The following ZFHX3 variants were observed in gnomAD, a reference collection of about 807,000 sequenced individuals.
ZFHX3 encodes zinc finger homeobox protein 3.
ZFHX3 carries 42 observed loss-of-function variants against 279.1 expected under a neutral mutation model. The observed-to-expected ratio is 0.15, with a 90% CI of 0.12 to 0.19. The LOEUF is 0.19. Ranked by LOEUF, ZFHX3 falls within the 10% of genes least tolerant of loss-of-function variation. ZFHX3 has a pLI of 1.00. For synonymous variants in ZFHX3, 2,293 were observed against 1,957.8 expected, an observed-to-expected ratio of 1.17 and a Z score of -4.52; for missense variants, 4,981 against 4,754.0, an observed-to-expected ratio of 1.05 and a Z score of -1.40.
At chr16:73,200,951 T>C (rs1355825775) in intron 5 of ZFHX3, among the ~76,000 whole-genome samples, 1 of 152,216 alleles carries the variant, frequency 6.6e-6, no homozygotes, top group Non-Finnish European at 1.5e-5. Flanking sequence ...GTAATGAACA[T>C]GGTGCTTGCT....
chr16:72,886,645 T>G (rs142856551), intron 4 of ZFHX3, among the ~76,000 whole-genome samples: 1 of 152,290 alleles, frequency 6.6e-6, no homozygotes, highest in East Asian at 1.9e-4. Flanking sequence ...CAATGATGTA[T>G]GCAGAGCTGG....
At chr16:73,888,849 TA>T (rs1282469969) in intron 1 of ZFHX3, among the ~76,000 whole-genome samples, 6 of 150,472 alleles carry the variant, frequency 4.0e-5, no homozygotes, top group South Asian at 2.1e-4. Context: ...GATTTCAGGC[TA>T]AAAAAAAACC....
intron 3 of ZFHX3, among the ~76,000 whole-genome samples, chr16:73,322,326 C>T (rs553272922): frequency 4.0e-5 from 6 of 151,518 alleles, no homozygotes; most frequent in South Asian, 2.1e-4. Context: ...CGTTTAATGG[C>T]GAGGCAGCTA....
At chr16:73,757,493 C>T (rs2053822103) in intron 1 of ZFHX3, among the ~76,000 whole-genome samples, 1 of 152,182 alleles carries the variant, frequency 6.6e-6, no homozygotes, top group Non-Finnish European at 1.5e-5. Flanking sequence ...ATTTCCCCTT[C>T]TCTCTCCCCA....
intron 7 of ZFHX3, among the ~76,000 whole-genome samples, chr16:73,107,277 T>C (rs1966316943): frequency 6.6e-6 from 1 of 151,920 alleles, no homozygotes; most frequent in South Asian, 2.1e-4. Context: ...GCCACTGCAC[T>C]CCAGACTGGA....
intron 5 of ZFHX3, among the ~76,000 whole-genome samples, chr16:73,181,204 G>A (rs1311081293): frequency 2.6e-5 from 4 of 151,930 alleles, no homozygotes; most frequent in Admixed American, 6.6e-5. Flanking sequence ...TGCTTCAAGC[G>A]ATTCTCCTGC....
At chr16:73,101,045 G>C (rs961887373) in intron 7 of ZFHX3, among the ~76,000 whole-genome samples, 2 of 152,094 alleles carry the variant, frequency 1.3e-5, no homozygotes, top group African/African-American at 4.8e-5. Flanking sequence ...CTCAACCCCT[G>C]TTCATTCTCA....
At chr16:72,998,234 C>G (rs1244562222) in intron 1 of ZFHX3, among the ~76,000 whole-genome samples, 2 of 152,108 alleles carry the variant, frequency 1.3e-5, no homozygotes, top group East Asian at 1.9e-4. Flanking sequence ...AACCCCATCT[C>G]TACTAAAAAT....
intron 2 of ZFHX3, among the ~76,000 whole-genome samples, chr16:73,676,947 G>A (rs1426672323): frequency 1.3e-5 from 2 of 151,948 alleles, no homozygotes; most frequent in Non-Finnish European, 2.9e-5. Flanking sequence ...CTGACTCTCA[G>A]AATGAGAATA....
chr16:73,121,817 A>G (rs1966503542), intron 7 of ZFHX3, among the ~76,000 whole-genome samples: 1 of 151,770 alleles, frequency 6.6e-6, no homozygotes, highest in Admixed American at 6.6e-5. Context: ...GGGTTTCACC[A>G]TGTTAGTCCG....
At chr16:73,067,041 A>G (rs552193853) in intron 8 of ZFHX3, among the ~76,000 whole-genome samples, 2 of 151,850 alleles carry the variant, frequency 1.3e-5, no homozygotes, top group East Asian at 3.9e-4. Context: ...GGGAGTGGAG[A>G]ACCCCCGGGG....
intron 3 of ZFHX3, among the ~76,000 whole-genome samples, chr16:73,344,099 T>C (rs535899389): frequency 6.6e-6 from 1 of 152,288 alleles, no homozygotes; most frequent in African/African-American, 2.4e-5. Context: ...TTCTTATTAG[T>C]TGCAAATGGA....
At chr16:72,995,919 G>A (rs8056382) in intron 1 of ZFHX3, among the ~76,000 whole-genome samples, 9 of 152,184 alleles carry the variant, frequency 5.9e-5, no homozygotes, top group African/African-American at 1.9e-4. Flanking sequence ...AGAATTTCTC[G>A]ATGTTCTGCT....
intron 3 of ZFHX3, among the ~76,000 whole-genome samples, chr16:73,342,371 A>C (rs555824365): frequency 3.3e-5 from 5 of 152,352 alleles, no homozygotes; most frequent in Non-Finnish European, 5.9e-5. Flanking sequence ...ACATATTCAC[A>C]TGGCTACATA....
At chr16:72,921,785 C>G (rs921220864) in intron 3 of ZFHX3, among the ~76,000 whole-genome samples, 1 of 152,216 alleles carries the variant, frequency 6.6e-6, no homozygotes, top group African/African-American at 2.4e-5. Flanking sequence ...AGGAAGCTGG[C>G]GGGGGCCTTG....
chr16:73,480,148 G>C (rs1168749839), intron 2 of ZFHX3, among the ~76,000 whole-genome samples: 12 of 151,856 alleles, frequency 7.9e-5, no homozygotes, highest in Admixed American at 5.9e-4. Context: ...CCTGGCTTCA[G>C]ATATCTAAAG....
At chr16:73,260,334 A>C (rs2013784733) in intron 4 of ZFHX3, among the ~76,000 whole-genome samples, 1 of 152,042 alleles carries the variant, frequency 6.6e-6, no homozygotes, top group South Asian at 2.1e-4. Context: ...GTAATTGGTA[A>C]GTATCTTTTT....
rs752627273 is a variant in ZFHX3, at chr16:72,797,432, A to AGCCTGG, written c.5244_5249dup (p.Ala1750_Gln1751dup). 1.4e-4 allele frequency: 228 copies of AGCCTGG among 1,612,844 alleles called. 5 individuals carry two copies. In the South Asian group the frequency reaches 2.3e-3, roughly 16 times the overall value. On this transcript the variant is annotated inframe_insertion, in exon 9 of 10. Transcript: ENST00000268489. ...CCTGCTGCAGGTGAGCTTGAACTTG[A>AGCCTGG]GCCTGGGCCTGGGCCAGCGTTTGTG...
At chr16:73,123,673 G>A (rs1426518501) in intron 7 of ZFHX3, 1 of 152,018 alleles carries the variant, frequency 6.6e-6, no homozygotes, top group African/African-American at 2.4e-5. Flanking sequence ...AAAATATGGT[G>A]CTATGGTCTC....
Sources: allele counts gnomAD v4.1 joint callset (sites outside exome capture counted in the v4.1 genomes callset), GRCh38; gene constraint gnomAD v4.1.1; transcripts MANE v1.5; gene names NCBI Gene and HGNC (gene_info 2026-07-23, HGNC 2026-07-21).